AP2A2: variants seen among roughly 807,000 people sequenced by gnomAD.
AP2A2 encodes the protein adaptor related protein complex 2 subunit alpha 2.
In AP2A2, 32 loss-of-function variants were observed where a neutral mutation model predicts 104.2. The ratio of observed to expected loss-of-function variants is 0.31; its 90% confidence interval spans 0.23 to 0.41. AP2A2 has a LOEUF of 0.41. AP2A2 is among the 10% of genes least tolerant of loss of function. The probability of loss-of-function intolerance (pLI) is 1.00; values close to 1 mark genes in which losing one functional copy is unlikely to be tolerated. For synonymous variants in AP2A2, 539 were observed against 533.3 expected, an observed-to-expected ratio of 1.01 and a Z score of -0.15; for missense variants, 912 against 1,261.0, an observed-to-expected ratio of 0.72 and a Z score of 4.19.
At position 925,899 on chromosome 11, in the gene AP2A2, C is replaced by T. The variant is rs1442335636; in HGVS notation, c.-123C>T. ...AGCGGCGCTGGGACCCTGAGGCGGC[C>T]GTGGTTAGGCGGCTCCCCGGCGGCT... On this transcript the variant is annotated 5_prime_UTR_variant, in exon 1 of 22. Transcript: ENST00000448903. 7 of 669,526 alleles carry T rather than the reference C, an allele frequency of 1.0e-5. No homozygotes were observed. Among genetic ancestry groups the T allele is most frequent in the African/African-American group, 9.6e-5 (5 of 51,902 alleles). 41.5% of individuals were successfully genotyped at this position (669,526 alleles called of 1,614,324 possible).
At chr11:982,253 G>A (rs919228865) in intron 6 of AP2A2, among the ~76,000 whole-genome samples, 1 of 152,170 alleles carries the variant, frequency 6.6e-6, no homozygotes, top group African/African-American at 2.4e-5. Context: ...GTTTCACCAT[G>A]TTGGCCAGGC....
At chr11:988,802 G>C in intron 10 of AP2A2, 113 bp downstream of exon 10, 2 of 1,357,088 alleles carry the variant, frequency 1.5e-6, no homozygotes, top group Non-Finnish European at 2.0e-6. Context: ...GAACCCATGA[G>C]ATGCTGAATA....
At chr11:939,842 A>C (rs1853584668) in intron 1 of AP2A2, among the ~76,000 whole-genome samples, 2 of 151,978 alleles carry the variant, frequency 1.3e-5, no homozygotes, top group South Asian at 4.1e-4. Flanking sequence ...TACCTGATTA[A>C]TGTCTATTTC....
chr11:963,341 G>T (rs1026214801), intron 2 of AP2A2, among the ~76,000 whole-genome samples: 1 of 152,012 alleles, frequency 6.6e-6, no homozygotes, highest in South Asian at 2.1e-4. Context: ...CAGGAGAATC[G>T]CTTGAACCTA....
chr11:984,808 T>G, intron 7 of AP2A2, 55 bp downstream of exon 7: 1 of 1,388,754 alleles, frequency 7.2e-7, no homozygotes, highest in Admixed American at 1.7e-5. Flanking sequence ...TGATTCCCTG[T>G]CTCAGATTTA....
intron 3 of AP2A2, among the ~76,000 whole-genome samples, chr11:970,964 G>A (rs1246253131): frequency 1.3e-5 from 2 of 152,208 alleles, no homozygotes; most frequent in East Asian, 3.8e-4. Flanking sequence ...GTCTCTTGCA[G>A]TCACATTATT....
chr11:953,807 C>G (rs920972249), intron 1 of AP2A2, among the ~76,000 whole-genome samples: 1 of 151,380 alleles, frequency 6.6e-6, no homozygotes, highest in Non-Finnish European at 1.5e-5. Context: ...CTGGCCGAGA[C>G]GTGACACTAC....
intron 8 of AP2A2, among the ~76,000 whole-genome samples, chr11:986,541 A>G (rs1163820201): frequency 6.6e-6 from 1 of 152,164 alleles, no homozygotes; most frequent in Non-Finnish European, 1.5e-5. Flanking sequence ...GCTCCAGTGG[A>G]CACACGGGCT....
At chr11:928,544 A>G (rs1853189584) in intron 1 of AP2A2, among the ~76,000 whole-genome samples, 2 of 152,230 alleles carry the variant, frequency 1.3e-5, no homozygotes, top group Non-Finnish European at 1.5e-5. Flanking sequence ...GCTGGATCAC[A>G]CTTTATTGTG....
At position 993,889 on chromosome 11, in the gene AP2A2, G is replaced by A. The variant is rs1042018351; in HGVS notation, c.1686G>A (p.Leu562=). Residue 562 remains leucine, a synonymous_variant, in exon 13 of 22, where the codon CTG becomes CTA. Transcript: ENST00000448903. The surrounding 1 kb of genome is among the most constrained non-coding windows in gnomAD (Gnocchi z 8.2). ...TGAAGCCCACCATCCAGGACGTGCT[G>A]CGCAGCGACAGCCAGCTCAGGAACG... The part of the protein sequence containing the change: ...PEVKPTIQDV[L]RSDSQLRNAD... 3.7e-6 allele frequency: 6 copies of A among 1,610,880 alleles called. No homozygotes were observed. The highest frequency in any genetic ancestry group is 8.5e-7 in the Non-Finnish European group (1 of 1,179,710).
chr11:937,177 G>T (rs942472044), intron 1 of AP2A2, among the ~76,000 whole-genome samples: 1 of 151,978 alleles, frequency 6.6e-6, no homozygotes, highest in Non-Finnish European at 1.5e-5. Flanking sequence ...CCGCCACTAT[G>T]CCTGCCTAAT....
At chr11:981,149 A>G (rs763712007) in intron 5 of AP2A2, 49 bp from the exon 6 acceptor site, 1 of 1,491,402 alleles carries the variant, frequency 6.7e-7, no homozygotes, top group African/African-American at 1.4e-5. Context: ...AGTGAACACA[A>G]GTGGTTAGCT....
chr11:1,010,234 G>A (rs1856375006), intron 21 of AP2A2: 3 of 512,934 alleles, frequency 5.8e-6, no homozygotes, highest in Non-Finnish European at 1.0e-5. Context: ...CGTTTCACTT[G>A]GGTGGCACCC....
rs1021347118 is a variant in AP2A2 at position 993,644 on chromosome 11, C to T, written c.1551-110C>T. ...GGAGCTGGAAGAGGGTCCCGACCAGCGGCCTCTGGTGCAGGCCAGGGGGTC... is the reference window on the plus strand; with the variant it reads ...GGAGCTGGAAGAGGGTCCCGACCAGTGGCCTCTGGTGCAGGCCAGGGGGTC... On this transcript the variant is annotated intron_variant, in intron 12 of 21. Transcript: ENST00000448903. The surrounding 1 kb of genome is among the most constrained non-coding windows in gnomAD (Gnocchi z 8.2). The T allele has an allele frequency of 2.6e-4, 213 of 814,358 alleles. 1 individual carries two copies. The highest frequency in any genetic ancestry group is 1.3e-3 in the East Asian group (47 of 37,018). The allele number at this position is 814,358 out of a possible 1,614,324, so 50.4% of individuals were successfully genotyped here. A position where few individuals can be genotyped will look rare whatever the true frequency, so the allele number is the denominator to read the frequency against.
At position 986,801 on chromosome 11, in the gene AP2A2, G is replaced by C. The variant is rs750366387; in HGVS notation, c.979G>C (p.Val327Leu). 1 of 1,613,176 alleles carries C rather than the reference G, an allele frequency of 6.2e-7. No individual in the cohort carries two copies. Among genetic ancestry groups the C allele is most frequent in the South Asian group, 1.1e-5 (1 of 90,880 alleles). The change falls in exon 9 of 22, where the codon GTC (valine) becomes CTC (leucine). Residue 327 changes from valine (V) to leucine (L), a missense_variant. By Grantham distance (32) the Val-to-Leu change is conservative. Transcript: ENST00000448903. ...IHHDSEPNLL[V>L]RACNQLGQFL... ...TCCACACAGTGAGCCGAACCTGCTC[G>C]TCCGTGCCTGCAACCAGTTGGGCCA...
chr11:945,369 C>T (rs1041852627), intron 1 of AP2A2, among the ~76,000 whole-genome samples: 6 of 152,074 alleles, frequency 3.9e-5, no homozygotes, highest in Non-Finnish European at 7.4e-5. Flanking sequence ...GAATCTCTCT[C>T]GTCACCCAGG....
chr11:954,574 G>A (rs543972753), intron 1 of AP2A2, among the ~76,000 whole-genome samples: 1 of 152,180 alleles, frequency 6.6e-6, no homozygotes, highest in South Asian at 2.1e-4. Flanking sequence ...GTGTGTATAT[G>A]TATATTTGTG....
rs1856402441 is a variant in AP2A2 at position 1,010,796 on chromosome 11, G to GTGGCTCAGGAGGAAAAGCTCAGCC, written c.*175_*198dup. 1 of 683,844 alleles carries GTGGCTCAGGAGGAAAAGCTCAGCC rather than the reference G, an allele frequency of 1.5e-6. No homozygotes were observed. Among genetic ancestry groups the GTGGCTCAGGAGGAAAAGCTCAGCC allele is most frequent in the Non-Finnish European group, 2.7e-6 (1 of 377,070 alleles). The allele number at this position is 683,844 out of a possible 1,614,324, so 42.4% of individuals were successfully genotyped here. A position where few individuals can be genotyped will look rare whatever the true frequency, so the allele number is the denominator to read the frequency against. On this transcript the variant is annotated 3_prime_UTR_variant, in exon 22 of 22. Transcript: ENST00000448903. ...TTGGGCTGGACGGGAACACACGTGT[G>GTGGCTCAGGAGGAAAAGCTCAGCC]TGGCTCAGGAGGAAAAGCTCAGCCT...
At position 1,010,680 on chromosome 11, in the gene AP2A2, TTTGTCTTCGTGGCC is replaced by T. The variant is rs1258964575; in HGVS notation, c.*56_*69del. On this transcript the variant is annotated 3_prime_UTR_variant, in exon 22 of 22. Transcript: ENST00000448903. ...TCTTGTGTTGTCTTCGTCTGTGCCG[TTTGTCTTCGTGGCC>T]ATCCTGCAGATGAGCACCGTGTCCA... The T allele has an allele frequency of 1.7e-5, 25 of 1,463,898 alleles. No individual in the cohort carries two copies. Among genetic ancestry groups the T allele is most frequent in the Non-Finnish European group, 2.3e-5 (25 of 1,066,122 alleles). The allele number at this position is 1,463,898 out of a possible 1,614,324, so 90.7% of individuals were successfully genotyped here.
Sources: allele counts gnomAD v4.1 joint callset (sites outside exome capture counted in the v4.1 genomes callset), GRCh38; gene constraint gnomAD v4.1.1; non-coding constraint Gnocchi (gnomAD v3.1); transcripts MANE v1.5; gene names NCBI Gene and HGNC (gene_info 2026-07-23, HGNC 2026-07-21).